The following MAN1C1 variants were observed in gnomAD, a reference collection of about 807,000 sequenced individuals.
MAN1C1 encodes mannosyl-oligosaccharide 1,2-alpha-mannosidase IC.
In MAN1C1, 49 loss-of-function variants were observed where a neutral mutation model predicts 71.5. The ratio of observed to expected loss-of-function variants is 0.69; its 90% confidence interval spans 0.54 to 0.87. MAN1C1 has a LOEUF of 0.87. MAN1C1 is among the 40% of genes least tolerant of loss of function. MAN1C1 has a pLI of 0.00. For synonymous variants in MAN1C1, 352 were observed against 343.7 expected (o/e 1.02, Z -0.27); for missense variants, 743 against 835.0 (o/e 0.89, Z 1.36).
chr1:25,620,183 A>T (rs2045185383), intron 1 of MAN1C1, among the ~76,000 whole-genome samples: 1 of 152,096 alleles, frequency 6.6e-6, no homozygotes, highest in African/African-American at 2.4e-5. Flanking sequence ...AGGGGTGAGG[A>T]TTCTGTGCTT....
chr1:25,624,835 T>C (rs2045268893), intron 1 of MAN1C1, among the ~76,000 whole-genome samples: 2 of 152,192 alleles, frequency 1.3e-5, no homozygotes, highest in East Asian at 3.8e-4. Flanking sequence ...AAATCCACTG[T>C]GCAATGCAGC....
chr1:25,767,985 CACACAT>C (rs2047469713), intron 7 of MAN1C1, among the ~76,000 whole-genome samples: 2 of 116,404 alleles, frequency 1.7e-5, no homozygotes, highest in Non-Finnish European at 3.6e-5. Context: ...ACACACCACA[CACACAT>C]TACATACACT....
In MAN1C1 at chr1:25,778,364, G is replaced by A. The variant is rs1259523085; in HGVS notation, c.1477+40G>A. 2 of 1,557,340 alleles carry A rather than the reference G, an allele frequency of 1.3e-6. No individual in the cohort carries two copies. The highest frequency in any genetic ancestry group is 8.7e-7 in the Non-Finnish European group (1 of 1,145,996). ...GGAAGGGGCAGCAGGAGAGACTGAG[G>A]CTAGACACCAGGAAGAACTGGAAAG... On this transcript the variant is annotated intron_variant, in intron 9 of 11. Coordinates refer to ENST00000374332, the MANE Select transcript of MAN1C1 (RefSeq NM_020379.4). The surrounding 1 kb of genome is among the most constrained non-coding windows in gnomAD (Gnocchi z 5.5).
At chr1:25,686,231 A>G (rs2046228400) in intron 1 of MAN1C1, among the ~76,000 whole-genome samples, 1 of 152,240 alleles carries the variant, frequency 6.6e-6, no homozygotes, top group South Asian at 2.1e-4. Flanking sequence ...CCCTAGACAC[A>G]TGGCGTTGTC....
At chr1:25,685,336 G>C (rs1365357399) in intron 1 of MAN1C1, among the ~76,000 whole-genome samples, 1 of 152,188 alleles carries the variant, frequency 6.6e-6, no homozygotes, top group East Asian at 1.9e-4. Context: ...CAGCACACTA[G>C]GCTGCCTCCC....
intron 1 of MAN1C1, among the ~76,000 whole-genome samples, chr1:25,622,688 G>A (rs1055613244): frequency 3.3e-5 from 5 of 152,158 alleles, no homozygotes; most frequent in Non-Finnish European, 5.9e-5. Flanking sequence ...AGCAGGCATC[G>A]GAGGGTGCCT....
chr1:25,719,284 G>C (rs974598798), intron 2 of MAN1C1, among the ~76,000 whole-genome samples: 1 of 149,972 alleles, frequency 6.7e-6, no homozygotes, highest in Non-Finnish European at 1.5e-5. Context: ...TGTTGGCCAG[G>C]CTGGTCTCAA....
At chr1:25,653,009 G>C (rs963947496) in intron 1 of MAN1C1, among the ~76,000 whole-genome samples, 3 of 151,850 alleles carry the variant, frequency 2.0e-5, no homozygotes, top group African/African-American at 7.3e-5. Flanking sequence ...CAAGAGATCT[G>C]CCCATCTTGA....
At chr1:25,734,711 A>G (rs775633671) in intron 2 of MAN1C1, among the ~76,000 whole-genome samples, 6 of 152,216 alleles carry the variant, frequency 3.9e-5, no homozygotes, top group Non-Finnish European at 7.4e-5. Flanking sequence ...AGGGTGTCCA[A>G]TCCTTCACTC....
At chr1:25,752,294 G>A (rs757097177) in intron 4 of MAN1C1, among the ~76,000 whole-genome samples, 6 of 152,296 alleles carry the variant, frequency 3.9e-5, no homozygotes, top group Non-Finnish European at 5.9e-5. Context: ...AAGGTGCAGC[G>A]AGGTTTCCTC....
chr1:25,700,293 C>T lies in MAN1C1; in HGVS notation c.637+13757C>T, dbSNP rs149887056. On this transcript the variant is annotated intron_variant, in intron 2 of 11. Coordinates refer to ENST00000374332, the MANE Select transcript of MAN1C1 (RefSeq NM_020379.4). ...ACCCGGAGGAGAGGAGTCACCCTGGCTCCCTGCCTTCCTTCTAGCACGCAG... is the reference window on the plus strand; with the variant it reads ...ACCCGGAGGAGAGGAGTCACCCTGGTTCCCTGCCTTCCTTCTAGCACGCAG... 7.5e-3 allele frequency among the ~76,000 whole-genome samples: 1,148 copies of T among 152,340 alleles called. 13 individuals are homozygous for T. Among genetic ancestry groups the T allele is most frequent in the African/African-American group, 0.025 (1,043 of 41,578 alleles).
chr1:25,646,592 G>T lies in MAN1C1; in HGVS notation c.540+28255G>T, dbSNP rs1252904640. ...AATGGAAAACCATACCCATTAGGCA[G>T]TCACTCCAGACCCACTACCCCCAGC... On this transcript the variant is annotated intron_variant, in intron 1 of 11. Transcript: ENST00000374332. Among the ~76,000 whole-genome samples, 5 of 152,298 alleles carry T rather than the reference G, an allele frequency of 3.3e-5. No homozygotes were observed. The East Asian group carries it at 9.6e-4, about 29-fold the overall frequency.
intron 1 of MAN1C1, among the ~76,000 whole-genome samples, chr1:25,676,999 C>T (rs2124150214): frequency 6.6e-6 from 1 of 152,278 alleles, no homozygotes; most frequent in East Asian, 1.9e-4. Flanking sequence ...TTCTGGGGTC[C>T]TCAGCTGAGT....
At chr1:25,752,762 C>T (rs915872240) in intron 4 of MAN1C1, among the ~76,000 whole-genome samples, 3 of 152,250 alleles carry the variant, frequency 2.0e-5, no homozygotes, top group African/African-American at 7.2e-5. Flanking sequence ...CTCGCTGTGG[C>T]TCCCTTGCTG....
At chr1:25,742,432 T>C (rs551640884) in intron 2 of MAN1C1, among the ~76,000 whole-genome samples, 7 of 152,306 alleles carry the variant, frequency 4.6e-5, no homozygotes, top group Admixed American at 3.9e-4. Context: ...GCGGTTTTCC[T>C]TTAAGTTGGG....
Position 25,746,865 on chromosome 1 carries a change from A to G in MAN1C1, c.753+82A>G. On this transcript the variant is annotated intron_variant, in intron 3 of 11. Coordinates refer to ENST00000374332, the MANE Select transcript of MAN1C1 (RefSeq NM_020379.4). The surrounding 1 kb of genome is among the most constrained non-coding windows in gnomAD (Gnocchi z 4.0). ...CCAGCTTCACCCTGTCATCTCTGAG[A>G]CCCAGAGATGTTGAGGGTCTCTCCC... 1.1e-6 allele frequency: 1 copy of G among 934,728 alleles called. No homozygotes were observed. The highest frequency in any genetic ancestry group is 1.6e-6 in the Non-Finnish European group (1 of 610,922). The allele number at this position is 934,728 out of a possible 1,614,324, so 57.9% of individuals were successfully genotyped here. A position where few individuals can be genotyped will look rare whatever the true frequency, so the allele number is the denominator to read the frequency against.
chr1:25,768,268 TCACATACATCCACACTCCCCTCAC>T (rs2047481177), intron 7 of MAN1C1, among the ~76,000 whole-genome samples: 1 of 1,954 alleles, frequency 5.1e-4, no homozygotes, highest in Non-Finnish European at 9.9e-4. Context: ...CTCACACACA[TCACATACATCCACACTCCCCTCAC>T]ACACACGCAT....
At chr1:25,694,154 G>T (rs2046341342) in intron 2 of MAN1C1, among the ~76,000 whole-genome samples, 1 of 152,160 alleles carries the variant, frequency 6.6e-6, no homozygotes, top group Non-Finnish European at 1.5e-5. Flanking sequence ...CTGGGTAAGG[G>T]CTGGGTCTTG....
At chr1:25,727,009 A>T (rs570822057) in intron 2 of MAN1C1, among the ~76,000 whole-genome samples, 1 of 152,152 alleles carries the variant, frequency 6.6e-6, no homozygotes, top group South Asian at 2.1e-4. Context: ...GTGAGCTGAA[A>T]GTGCGCCACT....
Sources: gnomAD v4.1 joint callset for allele counts (sites outside exome capture counted in the v4.1 genomes callset) on GRCh38, gnomAD v4.1.1 for gene constraint, Gnocchi (gnomAD v3.1) non-coding constraint, MANE v1.5 for transcripts, NCBI Gene and HGNC (gene_info 2026-07-23, HGNC 2026-07-21) for gene names.